Variants in ACVR1C observed in about 807,000 individuals in gnomAD.
The protein encoded by ACVR1C is activin A receptor type 1C.
ACVR1C carries 23 observed loss-of-function variants against 57.9 expected under a neutral mutation model. That is an observed-to-expected ratio of 0.40 (90% CI 0.29 to 0.56). The LOEUF (loss-of-function observed/expected upper bound fraction) is 0.56. Among genes scored for constraint, ACVR1C ranks in the 20% least tolerant of loss-of-function variants. The probability of loss-of-function intolerance (pLI) is 0.50; values close to 1 mark genes in which losing one functional copy is unlikely to be tolerated. For missense variants in ACVR1C, 480 were observed against 607.9 expected (o/e 0.79, Z 2.21); for synonymous variants, 214 against 215.3 (o/e 0.99, Z 0.05).
At chr2:157,537,536 G>A (rs1409869072) in intron 8 of ACVR1C, among the ~76,000 whole-genome samples, 1 of 151,654 alleles carries the variant, frequency 6.6e-6, no homozygotes, top group African/African-American at 2.4e-5. Flanking sequence ...ATTAGAAAAA[G>A]GATTGAGAAA....
chr2:157,570,687 A>T (rs1303342335), intron 2 of ACVR1C, among the ~76,000 whole-genome samples: 1 of 58,788 alleles, frequency 1.7e-5, no homozygotes, highest in Non-Finnish European at 3.6e-5. Flanking sequence ...AAGGAGAACT[A>T]CAAACCACTG....
At position 157,532,585 on chromosome 2, in the gene ACVR1C, T is replaced by C. The variant is rs1401777963; in HGVS notation, c.*1333A>G. 1 of 152,092 alleles carries C rather than the reference T, an allele frequency of 6.6e-6. No individual in the cohort carries two copies. Among genetic ancestry groups the C allele is most frequent in the Non-Finnish European group, 1.5e-5 (1 of 67,992 alleles). 9.4% of individuals were successfully genotyped at this position (152,092 alleles called of 1,614,324 possible). A position where few individuals can be genotyped will look rare whatever the true frequency, so the allele number is the denominator to read the frequency against. ...TCATGTTAAATCTCGTTTACCAAAG[T>C]AAAATTATAGATTTGAAGGGCATAT... On this transcript the variant is annotated 3_prime_UTR_variant, in exon 9 of 9. Coordinates refer to ENST00000243349, the MANE Select transcript of ACVR1C (RefSeq NM_145259.3).
Position 157,544,450 on chromosome 2 carries a change from G to A in ACVR1C, c.938C>T (p.Thr313Ile). The change falls in exon 5 of 9, where the codon ACA becomes ATA. Residue 313 changes from threonine (T) to isoleucine (I), a missense_variant. By Grantham distance (89) the Thr-to-Ile change is moderately conservative (BLOSUM62 -1). Transcript: ENST00000243349. ...LAHLHMEIVGTQGKPAIAHRD... is the reference protein window; with the variant it reads ...LAHLHMEIVGIQGKPAIAHRD... ...AATGAAAAGGAAATACATACCTTGTGTACCAACAATCTCCATATGAAGGTG... is the reference window on the plus strand; with the variant it reads ...AATGAAAAGGAAATACATACCTTGTATACCAACAATCTCCATATGAAGGTG... 1 of 1,610,110 alleles carries A rather than the reference G, an allele frequency of 6.2e-7. No homozygotes were observed. The highest frequency in any genetic ancestry group is 1.3e-5 in the African/African-American group (1 of 74,804).
chr2:157,572,861 G>C (rs924283255), intron 2 of ACVR1C, among the ~76,000 whole-genome samples: 4 of 152,140 alleles, frequency 2.6e-5, no homozygotes, highest in African/African-American at 7.2e-5. Flanking sequence ...GGTGTGCCCT[G>C]TGTCCCCAGA....
rs1027694307 is a variant in ACVR1C at position 157,532,956 on chromosome 2, G to A, written c.*962C>T. The A allele has an allele frequency of 1.3e-5, 2 of 152,108 alleles. No individual in the cohort carries two copies. The highest frequency in any genetic ancestry group is 4.8e-5 in the African/African-American group (2 of 41,420). 9.4% of individuals were successfully genotyped at this position (152,108 alleles called of 1,614,324 possible). A position where few individuals can be genotyped will look rare whatever the true frequency, so the allele number is the denominator to read the frequency against. Reference sequence around the variant, plus strand: ...TTTGATTAATCTTTGGAAGTGTTCAGAAAACATTAATGCTCATTAACAAAT... The same window carrying A: ...TTTGATTAATCTTTGGAAGTGTTCAAAAAACATTAATGCTCATTAACAAAT... On this transcript the variant is annotated 3_prime_UTR_variant, in exon 9 of 9. Coordinates refer to ENST00000243349, the MANE Select transcript of ACVR1C (RefSeq NM_145259.3).
chr2:157,562,026 G>A (rs1688239725), intron 2 of ACVR1C, among the ~76,000 whole-genome samples: 1 of 152,162 alleles, frequency 6.6e-6, no homozygotes, highest in Admixed American at 6.5e-5. Flanking sequence ...GCTGGGTGCG[G>A]TGGCTCACGC....
intron 1 of ACVR1C, among the ~76,000 whole-genome samples, chr2:157,615,103 T>G (rs539312797): frequency 2.0e-5 from 3 of 152,160 alleles, no homozygotes; most frequent in Admixed American, 1.3e-4. Flanking sequence ...TTGGATTAAT[T>G]GAATATTTTT....
At chr2:157,549,618 T>C (rs955199245) in intron 4 of ACVR1C, among the ~76,000 whole-genome samples, 1 of 152,090 alleles carries the variant, frequency 6.6e-6, no homozygotes, top group African/African-American at 2.4e-5. Flanking sequence ...CTTCATTGTA[T>C]GGTTATGTAT....
At chr2:157,541,638 G>A (rs985458319) in intron 6 of ACVR1C, among the ~76,000 whole-genome samples, 1 of 152,214 alleles carries the variant, frequency 6.6e-6, no homozygotes, top group Non-Finnish European at 1.5e-5. Flanking sequence ...GGTTCCTGAT[G>A]TGGGGATAAT....
At chr2:157,542,353 G>A (rs1687644786) in intron 6 of ACVR1C, among the ~76,000 whole-genome samples, 1 of 152,000 alleles carries the variant, frequency 6.6e-6, no homozygotes, top group African/African-American at 2.4e-5. Context: ...TTCATTTATG[G>A]GATATAAAGG....
In ACVR1C at chr2:157,598,985, GGGGCAAT is replaced by G. The variant is rs567179549; in HGVS notation, c.74-11575_74-11569del. Among the ~76,000 whole-genome samples the G allele has an allele frequency of 4.1e-3, 631 of 152,142 alleles. 5 individuals are homozygous for G. Among genetic ancestry groups the G allele is most frequent in the African/African-American group, 0.014 (598 of 41,500 alleles). ...CATGGAAATGTTGTCTCAAGTGGAA[GGGGCAAT>G]TTTCTGTAGTGCTATTTTTACTCAA... On this transcript the variant is annotated intron_variant, in intron 1 of 8. Transcript: ENST00000243349.
At chr2:157,620,780 T>A (rs1682755197) in intron 1 of ACVR1C, among the ~76,000 whole-genome samples, 1 of 152,166 alleles carries the variant, frequency 6.6e-6, no homozygotes, top group Non-Finnish European at 1.5e-5. Flanking sequence ...TTCTAGCTAT[T>A]TGAACATGTC....
intron 1 of ACVR1C, among the ~76,000 whole-genome samples, chr2:157,620,574 G>A (rs191228109): frequency 2.0e-4 from 30 of 151,980 alleles, no homozygotes; most frequent in Admixed American, 6.5e-4. Context: ...TCTTGGATAC[G>A]TATGCATTAA....
chr2:157,602,948 T>C (rs1682313207), intron 1 of ACVR1C, among the ~76,000 whole-genome samples: 2 of 152,198 alleles, frequency 1.3e-5, no homozygotes, highest in Non-Finnish European at 2.9e-5. Flanking sequence ...TCAAAGTATT[T>C]AGTTCACAGG....
At chr2:157,580,108 C>T (rs749040948) in intron 2 of ACVR1C, among the ~76,000 whole-genome samples, 10 of 152,054 alleles carry the variant, frequency 6.6e-5, no homozygotes, top group Non-Finnish European at 1.0e-4. Context: ...CACGCACACA[C>T]GTGCGCGTGC....
Position 157,556,196 on chromosome 2 carries a change from C to A in ACVR1C, c.441G>T (p.Lys147Asn). 1 of 1,614,008 alleles carries A rather than the reference C, an allele frequency of 6.2e-7. No homozygotes were observed. Among genetic ancestry groups the A allele is most frequent in the Non-Finnish European group, 8.5e-7 (1 of 1,179,938 alleles). Residue 147 changes from lysine (K) to asparagine (N), a missense_variant, in exon 3 of 9, where the codon AAG becomes AAT. Transcript: ENST00000243349. The part of the protein sequence containing the change: ...QGRQCSYRKK[K>N]RPNVEEPLSE... ...AGAGTGGTTCCTCCACATTTGGTCT[C>A]TTTTTCTTCCTGTAGGAGCACTGTC... is the stretch of plus-strand genomic sequence containing the variant.
rs778122750 is a variant in ACVR1C, at chr2:157,529,746, T to C, written c.*4172A>G. The C allele has an allele frequency of 6.6e-5, 10 of 151,724 alleles. No individual in the cohort carries two copies. The highest frequency in any genetic ancestry group is 1.9e-4 in the East Asian group (1 of 5,190). The allele number at this position is 151,724 out of a possible 1,614,324, so 9.4% of individuals were successfully genotyped here. A position where few individuals can be genotyped will look rare whatever the true frequency, so the allele number is the denominator to read the frequency against. ...AACTAATGATAATGTTGAAAGATAG[T>C]GAGGGAATATTAAGAAAAAAAGTGA... On this transcript the variant is annotated 3_prime_UTR_variant, in exon 9 of 9. Coordinates refer to ENST00000243349, the MANE Select transcript of ACVR1C (RefSeq NM_145259.3).
rs10628650 is a variant in ACVR1C at position 157,576,203 on chromosome 2, C to CTTTTTTTTT, written c.304+10975_304+10983dup. Among the ~76,000 whole-genome samples the CTTTTTTTTT allele has an allele frequency of 3.4e-3, 337 of 97,794 alleles. 3 individuals carry two copies. Among genetic ancestry groups the CTTTTTTTTT allele is most frequent in the Non-Finnish European group, 4.3e-3 (218 of 50,720 alleles). 64.2% of individuals were successfully genotyped at this position (97,794 alleles called of 152,430 possible). A position where few individuals can be genotyped will look rare whatever the true frequency, so the allele number is the denominator to read the frequency against. On this transcript the variant is annotated intron_variant, in intron 2 of 8. Transcript: ENST00000243349. ...ATTGTGGCTTGAGGAATAATCATTT[C>CTTTTTTTTT]TTTTTTTTTTTTTTTTTTTTGGCGA...
At chr2:157,540,954 A>T in intron 7 of ACVR1C, 136 bp downstream of exon 7, 1 of 1,104,728 alleles carries the variant, frequency 9.1e-7, no homozygotes, top group Non-Finnish European at 1.3e-6. Flanking sequence ...CACTGGAAAT[A>T]TATCACCAAA....
Sources: gnomAD v4.1 joint callset for allele counts (sites outside exome capture counted in the v4.1 genomes callset) on GRCh38, gnomAD v4.1.1 for gene constraint, MANE v1.5 for transcripts, NCBI Gene and HGNC (gene_info 2026-07-23, HGNC 2026-07-21) for gene names.